WDPCP: variants seen among roughly 807,000 people sequenced by gnomAD.
WDPCP encodes WD repeat containing planar cell polarity effector, also known as WD repeat-containing and planar cell polarity effector protein fritz homolog.
In WDPCP, 71 loss-of-function variants were observed where a neutral mutation model predicts 93.1. That is an observed-to-expected ratio of 0.76 (90% CI 0.63 to 0.93). The LOEUF (loss-of-function observed/expected upper bound fraction) is 0.93. Among genes scored for constraint, WDPCP ranks in the 40% least tolerant of loss-of-function variants. The pLI is 0.00. For missense variants in WDPCP, 844 were observed against 887.4 expected, an observed-to-expected ratio of 0.95 and a Z score of 0.62; for synonymous variants, 315 against 315.0, an observed-to-expected ratio of 1.00 and a Z score of 0.00.
chr2:63,751,702 T>C, intron 2 of WDPCP: 1 of 521,954 alleles, frequency 1.9e-6, no homozygotes, highest in Non-Finnish European at 3.6e-6. Context: ...TAAAATCTTC[T>C]CCCATTGCTG....
rs1191453124 is a variant in WDPCP, at chr2:63,774,431, A to T, written n.308+39191T>A. On this transcript the variant is annotated intron_variant and non_coding_transcript_variant, in intron 2 of 4. Coordinates refer to the WDPCP transcript ENST00000467687. ...AGTTCTCTTCTGTTCCTTCTCTACAAAATCTCCCCAGGAAATCTCAACTCT... is the reference window on the plus strand; with the variant it reads ...AGTTCTCTTCTGTTCCTTCTCTACATAATCTCCCCAGGAAATCTCAACTCT... Among the ~76,000 whole-genome samples the T allele has an allele frequency of 3.9e-5, 6 of 152,054 alleles. 1 individual carries two copies. The highest frequency in any genetic ancestry group is 1.4e-4 in the African/African-American group (6 of 41,410).
chr2:63,802,004 A>G (rs763032361), intron 2 of WDPCP, among the ~76,000 whole-genome samples: 40 of 152,238 alleles, frequency 2.6e-4, no homozygotes, highest in Non-Finnish European at 5.4e-4. Flanking sequence ...GAGGAAGGTT[A>G]GTAAGCACCA....
rs1215025102 is a variant in WDPCP at position 63,540,020 on chromosome 2, G to C, written c.76-47080C>G. Among the ~76,000 whole-genome samples the C allele has an allele frequency of 1.3e-4, 20 of 152,272 alleles. No homozygotes were observed. The South Asian group carries it at 3.9e-3, about 30-fold the overall frequency. Reference sequence around the variant, plus strand: ...AGAGCTATGCAATGAATAGTCTCTTGAGAATTAAATTTTAAAAACAATTAC... The same window carrying C: ...AGAGCTATGCAATGAATAGTCTCTTCAGAATTAAATTTTAAAAACAATTAC... On this transcript the variant is annotated intron_variant, in intron 1 of 17. Coordinates refer to ENST00000272321, the MANE Select transcript of WDPCP (RefSeq NM_015910.7).
chr2:63,432,780 C>G (rs17617409), intron 9 of WDPCP, among the ~76,000 whole-genome samples: 14,056 of 151,982 alleles, frequency 0.092, 929 homozygotes, highest in Non-Finnish European at 0.14. Context: ...CTGTTAGAGA[C>G]CTCGAGGTGA....
chr2:63,227,724 AAT>A (rs1235994496), intron 14 of WDPCP, among the ~76,000 whole-genome samples: 3 of 152,204 alleles, frequency 2.0e-5, no homozygotes, highest in African/African-American at 7.2e-5. Context: ...GTAAATATGA[AAT>A]ATGATAGTAA....
At chr2:63,552,018 C>T (rs548904038) in intron 1 of WDPCP, among the ~76,000 whole-genome samples, 11 of 125,452 alleles carry the variant, frequency 8.8e-5, no homozygotes, top group African/African-American at 3.4e-4. Flanking sequence ...GTCTCAACTC[C>T]TGGGCTCAAG....
At chr2:63,551,447 T>A (rs1292354108) in intron 1 of WDPCP, among the ~76,000 whole-genome samples, 1 of 151,978 alleles carries the variant, frequency 6.6e-6, no homozygotes, top group Admixed American at 6.6e-5. Context: ...TATTTAAGAG[T>A]CTGGAACCTC....
At chr2:63,129,494 A>G (rs886074386) in intron 17 of WDPCP, among the ~76,000 whole-genome samples, 1 of 152,228 alleles carries the variant, frequency 6.6e-6, no homozygotes, top group Non-Finnish European at 1.5e-5. Context: ...CCTTTTGGCT[A>G]AAATCAAATA....
chr2:63,297,281 G>T (rs1270668016), intron 13 of WDPCP, among the ~76,000 whole-genome samples: 2 of 152,172 alleles, frequency 1.3e-5, no homozygotes, highest in African/African-American at 4.8e-5. Context: ...GCATTCCAAG[G>T]GGTGGGCTGG....
At chr2:63,795,483 T>A in intron 2 of WDPCP, among the ~76,000 whole-genome samples, 1 of 133,348 alleles carries the variant, frequency 7.5e-6, no homozygotes, top group African/African-American at 2.9e-5. Context: ...CTGGGCAACA[T>A]AGTGAGACCC....
chr2:63,536,642 T>A (rs1009148754), intron 1 of WDPCP, among the ~76,000 whole-genome samples: 5 of 151,858 alleles, frequency 3.3e-5, no homozygotes, highest in African/African-American at 7.3e-5. Flanking sequence ...AAATTATCTG[T>A]AATATACTTT....
intron 2 of WDPCP, among the ~76,000 whole-genome samples, chr2:63,671,501 G>A (rs1322115485): frequency 6.6e-6 from 1 of 151,990 alleles, no homozygotes; most frequent in Non-Finnish European, 1.5e-5. Flanking sequence ...ACCCAGCCTT[G>A]TCTGGCTCCC....
At chr2:63,542,300 G>A (rs759543097) in intron 1 of WDPCP, among the ~76,000 whole-genome samples, 7 of 152,050 alleles carry the variant, frequency 4.6e-5, no homozygotes, top group Non-Finnish European at 7.4e-5. Flanking sequence ...AGATTTGGAC[G>A]AGAAAGTATA....
Position 63,282,552 on chromosome 2 carries a change from T to C in WDPCP, c.1813-23143A>G, listed in dbSNP as rs112563450. On this transcript the variant is annotated intron_variant, in intron 13 of 17. Transcript: ENST00000272321. ...AGACACATAGATCGATGGAACAGAA[T>C]AGAGAACTCAGAAAGAAATCTACAT... is the stretch of plus-strand genomic sequence containing the variant. Among the ~76,000 whole-genome samples, 749 of 152,198 alleles carry C rather than the reference T, an allele frequency of 4.9e-3. 6 individuals carry two copies. The highest frequency in any genetic ancestry group is 0.017 in the African/African-American group (714 of 41,526).
At chr2:63,565,058 G>A (rs1706934235) in intron 1 of WDPCP, among the ~76,000 whole-genome samples, 1 of 152,172 alleles carries the variant, frequency 6.6e-6, no homozygotes. Flanking sequence ...TTACAGGCGT[G>A]AGTCATGGCA....
chr2:63,391,585 G>T (rs1001755904), intron 10 of WDPCP, among the ~76,000 whole-genome samples: 1 of 152,186 alleles, frequency 6.6e-6, no homozygotes, highest in African/African-American at 2.4e-5. Flanking sequence ...ATTAGGAAAA[G>T]AGGAAGTCAA....
chr2:63,809,565 C>T (rs1274994943), intron 2 of WDPCP, among the ~76,000 whole-genome samples: 3 of 152,160 alleles, frequency 2.0e-5, no homozygotes, highest in African/African-American at 4.8e-5. Context: ...TGTTCTGTAC[C>T]AAGAAAAATT....
chr2:63,789,862 A>C (rs887926932), intron 2 of WDPCP, among the ~76,000 whole-genome samples: 8 of 152,202 alleles, frequency 5.3e-5, no homozygotes, highest in Middle Eastern at 3.2e-3. Flanking sequence ...ATAGGATTAC[A>C]TCAAGTCCCA....
intron 17 of WDPCP, among the ~76,000 whole-genome samples, chr2:63,152,710 A>G (rs1367713206): frequency 1.3e-5 from 2 of 152,226 alleles, no homozygotes; most frequent in African/African-American, 2.4e-5. Context: ...GCTTTTAAAT[A>G]ATAATTACAA....
Sources: allele counts gnomAD v4.1 joint callset (sites outside exome capture counted in the v4.1 genomes callset), GRCh38; gene constraint gnomAD v4.1.1; transcripts MANE v1.5; gene names NCBI Gene and HGNC (gene_info 2026-07-23, HGNC 2026-07-21).